Variants in SULT4A1 observed in about 807,000 individuals in gnomAD.
The protein encoded by SULT4A1 is sulfotransferase 4A1.
A neutral mutation model predicts 35.2 loss-of-function variants in SULT4A1; 11 were observed. The ratio of observed to expected loss-of-function variants is 0.31; its 90% confidence interval spans 0.20 to 0.52. SULT4A1 has a LOEUF of 0.52. SULT4A1 is among the 20% of genes least tolerant of loss of function. SULT4A1 has a pLI of 0.97. For synonymous variants in SULT4A1, 152 were observed against 151.8 expected (o/e 1.00, Z -0.01); for missense variants, 271 against 383.7 (o/e 0.71, Z 2.45).
chr22:43,828,003 G>A (rs76645850), intron 6 of SULT4A1, among the ~76,000 whole-genome samples: 3,468 of 152,240 alleles, frequency 0.023, 145 homozygotes, highest in African/African-American at 0.08. Flanking sequence ...CCTTCAAACC[G>A]CCCTTAGCCG....
chr22:43,840,176 G>A (rs187710067), intron 2 of SULT4A1, 151 bp from the exon 3 acceptor site: 19 of 626,194 alleles, frequency 3.0e-5, no homozygotes, highest in South Asian at 7.9e-5. Context: ...CTAGGGTAGC[G>A]GAGGGGTCAG....
intron 1 of SULT4A1, among the ~76,000 whole-genome samples, chr22:43,856,341 C>T (rs1389530924): frequency 1.3e-5 from 2 of 152,140 alleles, no homozygotes; most frequent in Non-Finnish European, 2.9e-5. Context: ...AGGAAACTGT[C>T]CCTGGGCCCT....
chr22:43,856,454 G>A (rs922500894), intron 1 of SULT4A1, among the ~76,000 whole-genome samples: 1 of 152,200 alleles, frequency 6.6e-6, no homozygotes, highest in African/African-American at 2.4e-5. Context: ...CAGGATCAAT[G>A]AAAAAGCCCT....
chr22:43,861,423 T>C (rs1309671224), intron 1 of SULT4A1, among the ~76,000 whole-genome samples: 2 of 152,204 alleles, frequency 1.3e-5, no homozygotes, highest in African/African-American at 4.8e-5. Context: ...TGGGGTACTA[T>C]ACAATCTCCT....
intron 4 of SULT4A1, among the ~76,000 whole-genome samples, 196 bp from the exon 5 acceptor site, chr22:43,833,930 A>T (rs1468510360): frequency 6.6e-6 from 1 of 152,200 alleles, no homozygotes; most frequent in Admixed American, 6.5e-5. Context: ...CGCCTTCGGC[A>T]CGCCTTGAAG....
At position 43,833,687 on chromosome 22, in the gene SULT4A1, G is replaced by C; in HGVS notation, c.556C>G (p.Arg186Gly). The C allele has an allele frequency of 6.3e-7, 1 of 1,591,014 alleles. No homozygotes were observed. The highest frequency in any genetic ancestry group is 8.6e-7 in the Non-Finnish European group (1 of 1,168,440). The change falls in exon 5 of 7, where the codon CGC becomes GGC. Residue 186 changes from arginine (R) to glycine (G), a missense_variant. Arg to Gly is a moderately radical substitution (Grantham distance 125). This residue lies in a region of SULT4A1 where 75 missense variants were observed against 67.7 expected (regional missense o/e 1.11). Coordinates refer to ENST00000330884, the MANE Select transcript of SULT4A1 (RefSeq NM_014351.4). Reference sequence around the variant, plus strand: ...AGAAAAAGCACGTTCGAGTCCATGCGGTGCTCCCAGAACTCCTGCACGTGC... The same window carrying C: ...AGAAAAAGCACGTTCGAGTCCATGCCGTGCTCCCAGAACTCCTGCACGTGC... ...FEHVQEFWEH[R>G]MDSNVLFLKY...
In SULT4A1 at chr22:43,826,073, C is replaced by A; in HGVS notation, c.783G>T (p.Met261Ile). ...TATACACCAAGTCAAACTTCTCATT[C>A]ATGGAGACGGTGAAGATGTCCTTCC... ...GLWKDIFTVS[M>I]NEKFDLVYKQ... is the part of the protein sequence containing the mutation. The change falls in exon 7 of 7, where the codon ATG becomes ATT. Residue 261 changes from methionine (M) to isoleucine (I), a missense_variant. Met to Ile is a conservative substitution (Grantham distance 10, BLOSUM62 1). Coordinates refer to ENST00000330884, the MANE Select transcript of SULT4A1 (RefSeq NM_014351.4). 6.2e-7 allele frequency: 1 copy of A among 1,614,210 alleles called. No homozygotes were observed. Among genetic ancestry groups the A allele is most frequent in the African/African-American group, 1.3e-5 (1 of 75,048 alleles).
chr22:43,833,530 T>C (rs1323456661), intron 5 of SULT4A1, 110 bp downstream of exon 5: 2 of 311,616 alleles, frequency 6.4e-6, no homozygotes, highest in African/African-American at 3.5e-5. Context: ...CTGTCCCTCC[T>C]CAGACCCCTC....
intron 1 of SULT4A1, among the ~76,000 whole-genome samples, chr22:43,847,036 A>G (rs535504241): frequency 6.6e-6 from 1 of 152,200 alleles, no homozygotes; most frequent in South Asian, 2.1e-4. Flanking sequence ...ATATCAGCCA[A>G]AGGAAGCTCT....
chr22:43,832,203 G>A (rs2063330276), intron 5 of SULT4A1, among the ~76,000 whole-genome samples: 1 of 152,194 alleles, frequency 6.6e-6, no homozygotes, highest in Non-Finnish European at 1.5e-5. Flanking sequence ...GCGTGAGCAG[G>A]GACCCTAAAT....
chr22:43,854,173 A>G (rs964027800), intron 1 of SULT4A1, among the ~76,000 whole-genome samples: 1 of 152,168 alleles, frequency 6.6e-6, no homozygotes, highest in Non-Finnish European at 1.5e-5. Flanking sequence ...CACATGCCCC[A>G]TGCACATCTT....
intron 1 of SULT4A1, among the ~76,000 whole-genome samples, chr22:43,857,508 G>A (rs902007018): frequency 6.6e-6 from 1 of 151,780 alleles, no homozygotes; most frequent in Non-Finnish European, 1.5e-5. Context: ...AAAGAATGAG[G>A]TAAAAGAAAC....
At chr22:43,845,879 G>A (rs2063473274) in intron 1 of SULT4A1, among the ~76,000 whole-genome samples, 1 of 152,170 alleles carries the variant, frequency 6.6e-6, no homozygotes, top group Admixed American at 6.5e-5. Context: ...AGGTGGAGCA[G>A]TTTCATCCTG....
At chr22:43,831,102 C>A (rs2063322119) in intron 5 of SULT4A1, among the ~76,000 whole-genome samples, 3 of 152,304 alleles carry the variant, frequency 2.0e-5, no homozygotes, top group South Asian at 4.1e-4. Flanking sequence ...AAGTTCCAGG[C>A]AGGGCTGGTG....
chr22:43,826,515 G>C, intron 6 of SULT4A1: 3 of 985,394 alleles, frequency 3.0e-6, no homozygotes, highest in Non-Finnish European at 3.6e-6. Context: ...TCTGCCGCGG[G>C]AGTGCACTGC....
intron 6 of SULT4A1, chr22:43,826,592 C>A: frequency 1.0e-6 from 1 of 985,308 alleles, no homozygotes; most frequent in Non-Finnish European, 1.2e-6. Flanking sequence ...ACAGTGCCAC[C>A]AAGGCGTCAT....
At chr22:43,844,356 C>T (rs951634972) in intron 1 of SULT4A1, among the ~76,000 whole-genome samples, 3 of 152,172 alleles carry the variant, frequency 2.0e-5, no homozygotes, top group African/African-American at 2.4e-5. Flanking sequence ...CGGGGGAGCT[C>T]GTGTGTGCTG....
chr22:43,853,951 C>G (rs2049373030), intron 1 of SULT4A1, among the ~76,000 whole-genome samples: 1 of 150,486 alleles, frequency 6.6e-6, no homozygotes, highest in Non-Finnish European at 1.5e-5. Flanking sequence ...AAAAAACAGC[C>G]TTTGCAATGG....
At chr22:43,856,266 G>A (rs898777449) in intron 1 of SULT4A1, among the ~76,000 whole-genome samples, 1 of 152,216 alleles carries the variant, frequency 6.6e-6, no homozygotes, top group Non-Finnish European at 1.5e-5. Context: ...GGGCACTGGT[G>A]AAGACCCAAT....
Sources: gnomAD v4.1 joint callset for allele counts (sites outside exome capture counted in the v4.1 genomes callset) on GRCh38, gnomAD v4.1.1 for gene constraint, gnomAD v4.1.1 regional missense constraint, MANE v1.5 for transcripts, NCBI Gene and HGNC (gene_info 2026-07-23, HGNC 2026-07-21) for gene names.